The following GIPC2 variants were observed in gnomAD, a reference collection of about 807,000 sequenced individuals.
GIPC2 encodes the protein PDZ domain-containing protein GIPC2.
Under a neutral mutation model 30.6 loss-of-function variants are expected in GIPC2, and 30 were observed. The observed-to-expected ratio is 0.98, with a 90% CI of 0.73 to 1.33. GIPC2 has a LOEUF of 1.33. GIPC2 is among the 40% of genes most tolerant of loss of function. GIPC2 has a pLI of 0.00. For synonymous variants in GIPC2, 167 were observed against 150.0 expected (o/e 1.11, Z -0.83); for missense variants, 414 against 390.3 (o/e 1.06, Z -0.51).
chr1:78,130,737 T>C (rs1319703929), intron 5 of GIPC2, among the ~76,000 whole-genome samples: 1 of 151,496 alleles, frequency 6.6e-6, no homozygotes, highest in Non-Finnish European at 1.5e-5. Flanking sequence ...TGCCCAAAGT[T>C]ACCTAAGAAG....
At chr1:78,077,802 A>C (rs1475527829) in intron 1 of GIPC2, among the ~76,000 whole-genome samples, 2 of 152,202 alleles carry the variant, frequency 1.3e-5, no homozygotes, top group Non-Finnish European at 2.9e-5. Flanking sequence ...TGAGGGTATG[A>C]AAGCTCACAG....
At position 78,134,135 on chromosome 1, in the gene GIPC2, G is replaced by A. The variant is rs79447670; in HGVS notation, c.797-1457G>A. Among the ~76,000 whole-genome samples the A allele has an allele frequency of 4.5e-3, 679 of 152,190 alleles. 2 individuals are homozygous for A. Among genetic ancestry groups the A allele is most frequent in the Middle Eastern group, 0.017 (5 of 294 alleles). ...TGGGATGTCATGCTTCCAGGACTGA[G>A]GAATGTGTATACACATGCATGTATG... On this transcript the variant is annotated intron_variant, in intron 5 of 5. Coordinates refer to ENST00000370759, the MANE Select transcript of GIPC2 (RefSeq NM_017655.6).
chr1:78,046,159 G>A lies in GIPC2; in HGVS notation c.65G>A (p.Gly22Asp). ...KSKETAGLVEGEPTGAGGGSL... is the reference protein window; with the variant it reads ...KSKETAGLVEDEPTGAGGGSL... ...AAGGAGACCGCCGGGCTGGTGGAGG[G>A]CGAGCCGACGGGCGCGGGCGGCGGG... Residue 22 changes from glycine to aspartate, a missense_variant, in exon 1 of 6, where the codon GGC becomes GAC. By Grantham distance (94) the Gly-to-Asp change is moderately conservative (BLOSUM62 -1). Coordinates refer to ENST00000370759, the MANE Select transcript of GIPC2 (RefSeq NM_017655.6). The A allele has an allele frequency of 6.4e-7, 1 of 1,552,622 alleles. No individual in the cohort carries two copies.
chr1:78,072,971 A>ATT (rs34010622), intron 1 of GIPC2, among the ~76,000 whole-genome samples: 1 of 149,142 alleles, frequency 6.7e-6, no homozygotes, highest in South Asian at 2.1e-4. Flanking sequence ...CGCCCAGCTA[A>ATT]TTTTTTTTTT....
At chr1:78,062,376 C>A (rs1471461748) in intron 1 of GIPC2, among the ~76,000 whole-genome samples, 1 of 152,068 alleles carries the variant, frequency 6.6e-6, no homozygotes, top group African/African-American at 2.4e-5. Context: ...TTATTTCCTT[C>A]CTTCTTCTGT....
chr1:78,071,489 C>G (rs983878146), intron 1 of GIPC2, among the ~76,000 whole-genome samples: 1 of 148,512 alleles, frequency 6.7e-6, no homozygotes, highest in South Asian at 2.1e-4. Flanking sequence ...TTTTTTTGCT[C>G]CTCCTCCTCT....
At chr1:78,110,348 G>A (rs892699978) in intron 3 of GIPC2, among the ~76,000 whole-genome samples, 17 of 152,156 alleles carry the variant, frequency 1.1e-4, no homozygotes, top group African/African-American at 4.1e-4. Flanking sequence ...TTCTCCAAGA[G>A]AAACCAAAAA....
At chr1:78,084,664 C>T (rs113507562) in intron 2 of GIPC2, among the ~76,000 whole-genome samples, 1 of 152,202 alleles carries the variant, frequency 6.6e-6, no homozygotes, top group Non-Finnish European at 1.5e-5. Flanking sequence ...TCCTGGTTAG[C>T]TGTATTCCTA....
chr1:78,090,690 A>C (rs1016298569), intron 2 of GIPC2, among the ~76,000 whole-genome samples: 3 of 152,200 alleles, frequency 2.0e-5, no homozygotes, highest in Non-Finnish European at 4.4e-5. Flanking sequence ...TAGTAGAACC[A>C]CATTTTAGAG....
intron 2 of GIPC2, among the ~76,000 whole-genome samples, chr1:78,083,165 A>G (rs1221229657): frequency 2.6e-5 from 4 of 152,050 alleles, no homozygotes; most frequent in Non-Finnish European, 5.9e-5. Context: ...AGGATCCTGT[A>G]TTTCATTTAT....
In GIPC2 at chr1:78,046,212, C is replaced by A; in HGVS notation, c.118C>A (p.Arg40Ser). The change falls in exon 1 of 6, where the codon CGC becomes AGC. Residue 40 changes from arginine (R) to serine (S), a missense_variant. By Grantham distance (110) the Arg-to-Ser change is moderately radical (BLOSUM62 -1). Coordinates refer to ENST00000370759, the MANE Select transcript of GIPC2 (RefSeq NM_017655.6). ...GSLSASRAPA[R>S]RLVFHAQLAH... ...CCTCTCAGCGTCCCGGGCTCCCGCA[C>A]GCAGGCTGGTCTTCCACGCGCAGCT... The A allele has an allele frequency of 1.3e-6, 2 of 1,596,412 alleles. No homozygotes were observed. Among genetic ancestry groups the A allele is most frequent in the Non-Finnish European group, 1.7e-6 (2 of 1,173,004 alleles).
intron 1 of GIPC2, among the ~76,000 whole-genome samples, chr1:78,066,118 T>G (rs935849380): frequency 2.6e-5 from 4 of 151,912 alleles, no homozygotes; most frequent in Non-Finnish European, 5.9e-5. Context: ...ACCTAGAGAA[T>G]TGGAGAAAAT....
rs397686892 is a variant in GIPC2, at chr1:78,135,789, T to TC, written c.*47dup. The TC allele has an allele frequency of 3.2e-6, 5 of 1,544,130 alleles. No homozygotes were observed. The highest frequency in any genetic ancestry group is 8.8e-7 in the Non-Finnish European group (1 of 1,140,458). On this transcript the variant is annotated 3_prime_UTR_variant, in exon 6 of 6. Transcript: ENST00000370759. The stretch of plus-strand genomic sequence containing the variant: ...AGAAACAACCCATCGTTCTTTTTTT[T>TC]CTCTTTTTTAAAAAGTCCTATAAGA...
At chr1:78,091,818 C>T (rs1662045945) in intron 2 of GIPC2, 2 of 777,070 alleles carry the variant, frequency 2.6e-6, no homozygotes, top group East Asian at 2.4e-5. Flanking sequence ...CTTTCTGAAG[C>T]TGATAATAGA....
chr1:78,046,381 G>T, intron 1 of GIPC2, 47 bp downstream of exon 1: 1 of 1,526,944 alleles, frequency 6.5e-7, no homozygotes, highest in Non-Finnish European at 9.0e-7. Context: ...GCCGCGCCGC[G>T]CCGCGCCGCG....
intron 4 of GIPC2, 93 bp from the exon 5 acceptor site, chr1:78,125,788 G>A: frequency 1.4e-6 from 1 of 689,882 alleles, no homozygotes; most frequent in South Asian, 1.6e-5. Context: ...ACACAATTAT[G>A]AACCGGCTCC....
intron 1 of GIPC2, among the ~76,000 whole-genome samples, chr1:78,056,332 G>T (rs1438298553): frequency 6.6e-6 from 1 of 152,062 alleles, no homozygotes; most frequent in African/African-American, 2.4e-5. Context: ...AAACAAATTA[G>T]CTGGGAATGG....
At chr1:78,076,293 C>A (rs1445804550) in intron 1 of GIPC2, among the ~76,000 whole-genome samples, 1 of 152,178 alleles carries the variant, frequency 6.6e-6, no homozygotes, top group African/African-American at 2.4e-5. Context: ...CAATTCAAGG[C>A]CCTCCATCTT....
upstream of GIPC2, chr1:78,045,435 TG>T: frequency 2.9e-6 from 1 of 343,452 alleles, no homozygotes; most frequent in Non-Finnish European, 4.1e-6. Flanking sequence ...AGGGCAGAGC[TG>T]GGGCAAATGG....
Sources: allele counts gnomAD v4.1 joint callset (sites outside exome capture counted in the v4.1 genomes callset), GRCh38; gene constraint gnomAD v4.1.1; transcripts MANE v1.5; gene names NCBI Gene and HGNC (gene_info 2026-07-23, HGNC 2026-07-21).